Variants in SMAP1 observed in about 807,000 individuals in gnomAD.
SMAP1 encodes small ArfGAP 1.
In SMAP1, 24 loss-of-function variants were observed where a neutral mutation model predicts 58.5. That is an observed-to-expected ratio of 0.41 (90% CI 0.30 to 0.58). The LOEUF (loss-of-function observed/expected upper bound fraction) is 0.58. SMAP1 is among the 20% of genes least tolerant of loss of function. SMAP1 has a pLI of 0.29. For missense variants in SMAP1, 563 were observed against 566.3 expected (o/e 0.99, Z 0.06); for synonymous variants, 216 against 196.6 (o/e 1.10, Z -0.82).
intron 1 of SMAP1, among the ~76,000 whole-genome samples, chr6:70,716,635 G>A (rs1338993927): frequency 6.6e-6 from 1 of 151,842 alleles, no homozygotes; most frequent in Non-Finnish European, 1.5e-5. Context: ...CTTTTCTTCT[G>A]CTTGATCTAG....
intron 1 of SMAP1, among the ~76,000 whole-genome samples, chr6:70,722,073 A>G (rs983881396): frequency 6.6e-6 from 1 of 152,260 alleles, no homozygotes. Context: ...CTTACATTTC[A>G]TCAATTGTCA....
chr6:70,791,684 C>T lies in SMAP1; in HGVS notation c.415-5C>T, dbSNP rs933883156. 10 of 1,611,350 alleles carry T rather than the reference C, an allele frequency of 6.2e-6. No homozygotes were observed. The highest frequency in any genetic ancestry group is 8.5e-6 in the Non-Finnish European group (10 of 1,178,706). ...TCCTCCTGACTTTTCACCTGTACTC[C>T]ACAGATTTCCTCCTCTGATGCTCCT... On this transcript the variant is annotated splice_polypyrimidine_tract_variant and splice_region_variant and intron_variant, in intron 4 of 10. Transcript: ENST00000370455.
chr6:70,849,071 T>A (rs1416534980), intron 7 of SMAP1, among the ~76,000 whole-genome samples: 1 of 152,194 alleles, frequency 6.6e-6, no homozygotes, highest in Non-Finnish European at 1.5e-5. Context: ...GCAGGTATGT[T>A]GCAGATGGTG....
intron 1 of SMAP1, among the ~76,000 whole-genome samples, chr6:70,690,553 G>A (rs776365526): frequency 3.4e-4 from 51 of 152,014 alleles, no homozygotes; most frequent in African/African-American, 1.2e-3. Flanking sequence ...TGATTTGCCC[G>A]CCTTGGCCTC....
chr6:70,803,501 C>T (rs1477959913), intron 6 of SMAP1, among the ~76,000 whole-genome samples: 1 of 152,148 alleles, frequency 6.6e-6, no homozygotes, highest in African/African-American at 2.4e-5. Context: ...TCCTTCAGTT[C>T]TGCTCTGATC....
At chr6:70,771,873 G>T (rs1767334619) in intron 3 of SMAP1, among the ~76,000 whole-genome samples, 1 of 152,174 alleles carries the variant, frequency 6.6e-6, no homozygotes. Context: ...GACCGGAGCT[G>T]TTCCTATTTG....
intron 4 of SMAP1, among the ~76,000 whole-genome samples, chr6:70,775,141 T>C (rs1403902895): frequency 6.6e-6 from 1 of 152,176 alleles, no homozygotes; most frequent in Non-Finnish European, 1.5e-5. Flanking sequence ...GATTAAAAAT[T>C]GACAGTATTG....
chr6:70,806,860 C>G (rs549514153), intron 6 of SMAP1, among the ~76,000 whole-genome samples: 2 of 152,270 alleles, frequency 1.3e-5, no homozygotes, highest in African/African-American at 4.8e-5. Context: ...CTCGAAGGAC[C>G]TAAAGTCTCT....
intron 6 of SMAP1, among the ~76,000 whole-genome samples, chr6:70,822,008 G>A (rs4706464): frequency 0.49 from 73,971 of 151,978 alleles, 18,335 homozygotes; most frequent in Non-Finnish European, 0.52. Flanking sequence ...TTTATGTGCA[G>A]AGCTTTCATT....
At chr6:70,669,302 A>G (rs561056540) in intron 1 of SMAP1, among the ~76,000 whole-genome samples, 1 of 152,300 alleles carries the variant, frequency 6.6e-6, no homozygotes, top group East Asian at 1.9e-4. Context: ...TTCTATCTCA[A>G]TACTATATAA....
At chr6:70,748,378 C>T (rs1000486685) in intron 2 of SMAP1, among the ~76,000 whole-genome samples, 1 of 151,914 alleles carries the variant, frequency 6.6e-6, no homozygotes, top group Non-Finnish European at 1.5e-5. Flanking sequence ...TAGTTTCCCC[C>T]CTCCCACACA....
At chr6:70,850,627 G>A (rs1562202373) in intron 7 of SMAP1, among the ~76,000 whole-genome samples, 2 of 152,022 alleles carry the variant, frequency 1.3e-5, no homozygotes, top group East Asian at 3.9e-4. Context: ...AATGAAACAT[G>A]TCTAATTGAT....
intron 3 of SMAP1, among the ~76,000 whole-genome samples, chr6:70,770,011 A>T (rs906174191): frequency 6.6e-5 from 10 of 151,774 alleles, no homozygotes; most frequent in Admixed American, 6.5e-4. Context: ...TTCACTTATG[A>T]AGCTTAGTTT....
chr6:70,741,761 C>A (rs753538162), intron 2 of SMAP1, among the ~76,000 whole-genome samples: 4 of 152,306 alleles, frequency 2.6e-5, no homozygotes, highest in East Asian at 1.9e-4. Flanking sequence ...TCCATGAGGG[C>A]CCCACCCCTG....
intron 6 of SMAP1, among the ~76,000 whole-genome samples, chr6:70,836,529 A>G (rs1488916336): frequency 6.6e-6 from 1 of 152,186 alleles, no homozygotes; most frequent in African/African-American, 2.4e-5. Context: ...CAAAATATAT[A>G]ATTTCATATA....
chr6:70,816,084 T>G (rs902404965), intron 6 of SMAP1, among the ~76,000 whole-genome samples: 2 of 152,144 alleles, frequency 1.3e-5, no homozygotes, highest in Non-Finnish European at 2.9e-5. Flanking sequence ...TTGAGAGATA[T>G]CATGTTGAGA....
chr6:70,851,441 T>C (rs1771181480), intron 7 of SMAP1, among the ~76,000 whole-genome samples: 1 of 152,200 alleles, frequency 6.6e-6, no homozygotes, highest in African/African-American at 2.4e-5. Context: ...TTGAAAAGGT[T>C]TTCAAAGATG....
Position 70,860,914 on chromosome 6 carries a change from T to C in SMAP1, c.*580T>C, listed in dbSNP as rs1254430352. 11 of 384,498 alleles carry C rather than the reference T, an allele frequency of 2.9e-5. No homozygotes were observed. The highest frequency in any genetic ancestry group is 1.8e-4 in the East Asian group (5 of 27,212). 23.8% of individuals were successfully genotyped at this position (384,498 alleles called of 1,614,324 possible). A position where few individuals can be genotyped will look rare whatever the true frequency, so the allele number is the denominator to read the frequency against. On this transcript the variant is annotated 3_prime_UTR_variant, in exon 11 of 11. Coordinates refer to ENST00000370455, the MANE Select transcript of SMAP1 (RefSeq NM_001044305.3). ...ACGTGGATGTTACTCCAAAACTTCG[T>C]TTAATGAATGCTTAAAGAATTCAAA...
chr6:70,853,974 G>C (rs1771286182), intron 8 of SMAP1, among the ~76,000 whole-genome samples: 1 of 152,198 alleles, frequency 6.6e-6, no homozygotes, highest in Admixed American at 6.5e-5. Context: ...CTTTGCAACT[G>C]CTTAAGAGAG....
Sources: gnomAD v4.1 joint callset for allele counts (sites outside exome capture counted in the v4.1 genomes callset) on GRCh38, gnomAD v4.1.1 for gene constraint, MANE v1.5 for transcripts, NCBI Gene and HGNC (gene_info 2026-07-23, HGNC 2026-07-21) for gene names.